Variants in BIRC6 observed in about 807,000 individuals in gnomAD.
The protein encoded by BIRC6 is baculoviral IAP repeat containing 6.
A neutral mutation model predicts 503.3 loss-of-function variants in BIRC6; 98 were observed. The ratio of observed to expected loss-of-function variants is 0.19; its 90% CI spans 0.17 to 0.23. The LOEUF (loss-of-function observed/expected upper bound fraction) is 0.23, where lower values mean the gene tolerates loss of function less well. BIRC6 is among the 10% of genes least tolerant of loss of function. BIRC6 has a pLI of 1.00. For synonymous variants in BIRC6, 2,240 were observed against 2,078.7 expected (o/e 1.08, Z -2.11); for missense variants, 5,360 against 5,806.0 (o/e 0.92, Z 2.50).
intron 55 of BIRC6, among the ~76,000 whole-genome samples, chr2:32,516,506 ACT>A (rs1191832767): frequency 7.0e-6 from 1 of 142,792 alleles, no homozygotes; most frequent in African/African-American, 2.6e-5. Flanking sequence ...ACAAAGCGAG[ACT>A]CTGTCTCAAA....
intron 53 of BIRC6, among the ~76,000 whole-genome samples, chr2:32,512,331 G>A (rs2054531780): frequency 6.6e-6 from 1 of 152,152 alleles, no homozygotes. Flanking sequence ...AAATCTAAAA[G>A]TCTTTCGCTC....
intron 68 of BIRC6, 82 bp from the exon 69 acceptor site, chr2:32,597,669 G>A: frequency 1.0e-6 from 1 of 999,896 alleles, no homozygotes; most frequent in Non-Finnish European, 1.5e-6. Context: ...TTGAGTGGGA[G>A]AAGGACTAGT....
In BIRC6 at chr2:32,357,504, C is replaced by A; in HGVS notation, c.325+18C>A. 6.5e-7 allele frequency: 1 copy of A among 1,536,476 alleles called. No individual in the cohort carries two copies. The highest frequency in any genetic ancestry group is 8.8e-7 in the Non-Finnish European group (1 of 1,142,102). The stretch of plus-strand genomic sequence containing the variant: ...GCTCAGTGGTGAGTCTTCCGCACGC[C>A]GGGCGGGCGCGAAGCCGGGGAAAGA... On this transcript the variant is annotated intron_variant, in intron 1 of 73. Transcript: ENST00000421745. The surrounding 1 kb of genome is among the most constrained non-coding windows in gnomAD (Gnocchi z 4.9).
chr2:32,492,808 A>G (rs376597600), intron 44 of BIRC6, among the ~76,000 whole-genome samples: 3 of 152,194 alleles, frequency 2.0e-5, no homozygotes, highest in African/African-American at 4.8e-5. Flanking sequence ...AGTATCAGAA[A>G]TTAACTTTAT....
chr2:32,358,050 G>C lies in BIRC6; in HGVS notation c.325+564G>C, dbSNP rs1209127806. ...GTGGGGGTGGGGGTGGGGTGGGGGT[G>C]GGGTGGGTCGTGGTGGGGGTGGGGA... On this transcript the variant is annotated intron_variant, in intron 1 of 73. Transcript: ENST00000421745. Among the ~76,000 whole-genome samples, 8 of 138,244 alleles carry C rather than the reference G, an allele frequency of 5.8e-5. No homozygotes were observed. The East Asian group carries it at 1.4e-3, about 24-fold the overall frequency. 90.7% of individuals were successfully genotyped at this position (138,244 alleles called of 152,430 possible).
chr2:32,407,445 CAAAAAAAAAAA>C (rs760585710), intron 9 of BIRC6, among the ~76,000 whole-genome samples: 1 of 69,812 alleles, frequency 1.4e-5, no homozygotes, highest in Non-Finnish European at 3.0e-5. Context: ...AACTCTGTCT[CAAAAAAAAAAA>C]AAAAAAAAAA....
At position 32,578,979 on chromosome 2, in the gene BIRC6, A is replaced by AATATATATAT. The variant is rs1407258691; in HGVS notation, c.13355+3615_13355+3624dup. ...GTTTACTACTTATTTTTATATACCT[A>AATATATATAT]ATATATATATACACTTAATATATAT... On this transcript the variant is annotated intron_variant, in intron 66 of 73. Coordinates refer to ENST00000421745, the MANE Select transcript of BIRC6 (RefSeq NM_016252.4). 8.5e-3 allele frequency among the ~76,000 whole-genome samples: 634 copies of AATATATATAT among 74,312 alleles called. 98 individuals are homozygous for AATATATATAT. Among genetic ancestry groups the AATATATATAT allele is most frequent in the African/African-American group, 0.035 (582 of 16,552 alleles). The allele number at this position is 74,312 out of a possible 152,430, so 48.8% of individuals were successfully genotyped here.
intron 1 of BIRC6, among the ~76,000 whole-genome samples, chr2:32,359,410 A>G (rs964575759): frequency 4.6e-5 from 7 of 152,230 alleles, no homozygotes; most frequent in South Asian, 2.1e-4. Context: ...GTGCCTGTAC[A>G]TGGAAGGAAA....
At chr2:32,592,926 C>T (rs920474887) in intron 66 of BIRC6, among the ~76,000 whole-genome samples, 4 of 152,120 alleles carry the variant, frequency 2.6e-5, no homozygotes, top group African/African-American at 7.2e-5. Flanking sequence ...CTGTCTGTTA[C>T]TCTTTTTATA....
Position 32,518,343 on chromosome 2 carries a change from A to G in BIRC6, c.11439A>G (p.Leu3813=). Residue 3813 remains leucine (L), a synonymous_variant, in exon 56 of 74, where the codon TTA becomes TTG. Transcript: ENST00000421745. The part of the protein sequence containing the change: ...NISGFIRRLF[L]QLMLEDEKVT... ...CAGGGTTTATACGAAGATTATTTTT[A>G]CAGTTGATGCTGGAAGATGAGAAAG... The G allele has an allele frequency of 6.2e-7, 1 of 1,609,046 alleles. No homozygotes were observed. The highest frequency in any genetic ancestry group is 2.2e-5 in the East Asian group (1 of 44,790).
At chr2:32,569,746 T>C (rs953053131) in intron 65 of BIRC6, among the ~76,000 whole-genome samples, 10 of 152,030 alleles carry the variant, frequency 6.6e-5, no homozygotes, top group African/African-American at 2.4e-4. Context: ...TGATTATTGG[T>C]GTATAGAAAC....
rs763598407 is a variant in BIRC6 at position 32,448,855 on chromosome 2, T to C, written c.4545T>C (p.Ser1515=). 21 of 1,613,378 alleles carry C rather than the reference T, an allele frequency of 1.3e-5. No homozygotes were observed. Among genetic ancestry groups the C allele is most frequent in the Non-Finnish European group, 1.7e-6 (2 of 1,179,502 alleles). The part of the protein sequence containing the change: ...PVLFDLEMSG[S]SCKNVYNSSI... ...TCTTTGATTTGGAGATGAGTGGCTC[T>C]TCTTGTAAAAATGTTTATAACAGCA... Residue 1515 remains serine (S), a synonymous_variant, in exon 22 of 74, where the codon TCT becomes TCC. Transcript: ENST00000421745.
At chr2:32,377,549 C>T (rs201017236) in intron 1 of BIRC6, 39 bp from the exon 2 acceptor site, 2 of 1,512,292 alleles carry the variant, frequency 1.3e-6, no homozygotes, top group East Asian at 2.3e-5. Flanking sequence ...GACCATTGGC[C>T]TGAAAATCTT....
intron 1 of BIRC6, among the ~76,000 whole-genome samples, chr2:32,371,747 T>C (rs1427747148): frequency 6.6e-6 from 1 of 152,108 alleles, no homozygotes; most frequent in African/African-American, 2.4e-5. Context: ...AACTACCCCC[T>C]CCTTAGTTAA....
In BIRC6 at chr2:32,513,016, C is replaced by G. The variant is rs779503382; in HGVS notation, c.10430C>G (p.Pro3477Arg). 1 of 1,613,896 alleles carries G rather than the reference C, an allele frequency of 6.2e-7. No individual in the cohort carries two copies. Among genetic ancestry groups the G allele is most frequent in the Non-Finnish European group, 8.5e-7 (1 of 1,179,850 alleles). The change falls in exon 54 of 74, where the codon CCT (proline) becomes CGT (arginine). Residue 3477 changes from proline (P) to arginine (R), a missense_variant. By Grantham distance (103) the Pro-to-Arg change is moderately radical. Around this residue, in one of 16 missense-constraint regions of BIRC6, gnomAD observed 878 missense variants for 928.9 expected, o/e 0.95. Transcript: ENST00000421745. Reference protein sequence around the residue: ...KRSGRMNYMCPNSSTVEYGLL... With the variant: ...KRSGRMNYMCRNSSTVEYGLL... ...AGTGGCAGGATGAACTACATGTGTC[C>G]TAACTCCTCAACAGTAGAGTATGGT...
intron 32 of BIRC6, among the ~76,000 whole-genome samples, chr2:32,471,991 A>T (rs547327908): frequency 2.0e-5 from 3 of 152,324 alleles, no homozygotes; most frequent in South Asian, 2.1e-4. Context: ...ATTGATTTTT[A>T]AAAAATAATG....
At chr2:32,366,422 A>C (rs1256193646) in intron 1 of BIRC6, among the ~76,000 whole-genome samples, 1 of 151,796 alleles carries the variant, frequency 6.6e-6, no homozygotes, top group African/African-American at 2.4e-5. Flanking sequence ...TTTCAGTGGG[A>C]TCTTGGGAGG....
chr2:32,575,079 TA>T, intron 65 of BIRC6, 76 bp from the exon 66 acceptor site: 3 of 1,496,092 alleles, frequency 2.0e-6, no homozygotes, highest in Non-Finnish European at 2.8e-6. Context: ...AAGATCCAGG[TA>T]AAAGCTACAT....
chr2:32,506,818 C>A (rs183994384), intron 50 of BIRC6, among the ~76,000 whole-genome samples: 1 of 151,948 alleles, frequency 6.6e-6, no homozygotes, highest in African/African-American at 2.4e-5. Context: ...CTTGTGGGAG[C>A]GTGGATTACT....
Sources: gnomAD v4.1 joint callset for allele counts (sites outside exome capture counted in the v4.1 genomes callset) on GRCh38, gnomAD v4.1.1 for gene constraint, gnomAD v4.1.1 regional missense constraint, Gnocchi (gnomAD v3.1) non-coding constraint, MANE v1.5 for transcripts, NCBI Gene and HGNC (gene_info 2026-07-23, HGNC 2026-07-21) for gene names.